RXFP1: variants seen among roughly 807,000 people sequenced by gnomAD.
RXFP1 encodes relaxin receptor 1.
In RXFP1, 73 loss-of-function variants were observed where a neutral mutation model predicts 89.8. That is an observed-to-expected ratio of 0.81 (90% CI 0.67 to 0.99). RXFP1 has a LOEUF of 0.99. Ranked by LOEUF, RXFP1 falls within the 50% of genes least tolerant of loss-of-function variation. The pLI, the probability that RXFP1 is intolerant of heterozygous loss-of-function variation, is 0.00. For missense variants in RXFP1, 793 were observed against 895.5 expected (o/e 0.89, Z 1.46); for synonymous variants, 277 against 305.5 (o/e 0.91, Z 0.97).
At chr4:158,526,429 T>C (rs924819600) in intron 1 of RXFP1, among the ~76,000 whole-genome samples, 6 of 152,212 alleles carry the variant, frequency 3.9e-5, no homozygotes. Flanking sequence ...ATTCTACAGC[T>C]TCATCTATTT....
At chr4:158,639,749 A>G (rs1769993265) in intron 14 of RXFP1, among the ~76,000 whole-genome samples, 1 of 152,116 alleles carries the variant, frequency 6.6e-6, no homozygotes, top group Admixed American at 6.5e-5. Flanking sequence ...GATTCCAGCT[A>G]CTCAGGAGGC....
In RXFP1 at chr4:158,542,102, TATATATA is replaced by T. The variant is rs1465187851; in HGVS notation, c.49+20078_49+20084del. On this transcript the variant is annotated intron_variant, in intron 1 of 17. Coordinates refer to ENST00000307765, the MANE Select transcript of RXFP1 (RefSeq NM_021634.4). ...GGCTATATATATATATATATATATA[TATATATA>T]TTTTTTTTTTAGTAGAGACAGGGTT... 6.1e-5 allele frequency among the ~76,000 whole-genome samples: 3 copies of T among 49,292 alleles called. 1 individual carries two copies. Among genetic ancestry groups the T allele is most frequent in the Non-Finnish European group, 1.3e-4 (3 of 23,254 alleles). The allele number at this position is 49,292 out of a possible 152,430, so 32.3% of individuals were successfully genotyped here.
intron 10 of RXFP1, among the ~76,000 whole-genome samples, chr4:158,628,005 A>T (rs1279895128): frequency 6.6e-6 from 1 of 152,186 alleles, no homozygotes; most frequent in Non-Finnish European, 1.5e-5. Flanking sequence ...TTTGGAGTGC[A>T]GTGAGGAAAT....
chr4:158,637,212 C>T (rs1580257904), intron 12 of RXFP1, among the ~76,000 whole-genome samples: 1 of 152,096 alleles, frequency 6.6e-6, no homozygotes, highest in African/African-American at 2.4e-5. Context: ...TATGGGAGTA[C>T]AGAAATCTCT....
chr4:158,543,620 G>A, intron 1 of RXFP1: 3 of 326,598 alleles, frequency 9.2e-6, no homozygotes, highest in Non-Finnish European at 1.3e-5. Flanking sequence ...CAGTTTCCCT[G>A]AGCCCTCCCA....
intron 1 of RXFP1, among the ~76,000 whole-genome samples, chr4:158,552,078 C>T (rs946878627): frequency 2.6e-5 from 4 of 152,128 alleles, no homozygotes; most frequent in Admixed American, 2.0e-4. Flanking sequence ...AATGTGTTAT[C>T]TAGATGTGAA....
At chr4:158,558,835 T>G (rs1357897048) in intron 1 of RXFP1, among the ~76,000 whole-genome samples, 1 of 152,218 alleles carries the variant, frequency 6.6e-6, no homozygotes, top group Non-Finnish European at 1.5e-5. Flanking sequence ...AAGTGATCAG[T>G]ATTTTTAAAA....
At chr4:158,616,109 G>A (rs571915564) in intron 8 of RXFP1, among the ~76,000 whole-genome samples, 2 of 152,284 alleles carry the variant, frequency 1.3e-5, no homozygotes, top group South Asian at 4.1e-4. Flanking sequence ...TCTGCAAAGT[G>A]CAATAAAGCA....
At chr4:158,546,873 G>A (rs1489985416) in intron 1 of RXFP1, among the ~76,000 whole-genome samples, 3 of 152,072 alleles carry the variant, frequency 2.0e-5, no homozygotes, top group Admixed American at 6.6e-5. Context: ...GAGGATTTTT[G>A]CATCAATGTT....
intron 1 of RXFP1, among the ~76,000 whole-genome samples, chr4:158,532,982 T>A (rs1054875833): frequency 6.6e-6 from 1 of 152,230 alleles, no homozygotes; most frequent in Admixed American, 6.5e-5. Flanking sequence ...TACAGAGTTT[T>A]AATACCAAAG....
intron 2 of RXFP1, among the ~76,000 whole-genome samples, chr4:158,590,108 TAAC>T (rs1451367661): frequency 6.6e-6 from 1 of 152,034 alleles, no homozygotes; most frequent in African/African-American, 2.4e-5. Flanking sequence ...TACTGTAACT[TAAC>T]AACCCATAGG....
intron 1 of RXFP1, among the ~76,000 whole-genome samples, chr4:158,551,581 A>G (rs1280011644): frequency 1.3e-5 from 2 of 152,224 alleles, no homozygotes; most frequent in Non-Finnish European, 2.9e-5. Context: ...CAATGTATAC[A>G]TATATCAAAA....
At chr4:158,624,360 T>C (rs1766280786) in intron 9 of RXFP1, among the ~76,000 whole-genome samples, 1 of 152,132 alleles carries the variant, frequency 6.6e-6, no homozygotes, top group Non-Finnish European at 1.5e-5. Flanking sequence ...AGGAAGCAGA[T>C]AGAGAGTAAG....
intron 5 of RXFP1, chr4:158,607,258 A>G (rs1293986079): frequency 1.5e-6 from 1 of 677,082 alleles, no homozygotes; most frequent in South Asian, 1.7e-5. Context: ...TTAGTTAACT[A>G]TGTAAGCCTG....
chr4:158,642,691 A>G (rs576133237), intron 14 of RXFP1, among the ~76,000 whole-genome samples: 4 of 152,234 alleles, frequency 2.6e-5, no homozygotes, highest in African/African-American at 9.6e-5. Flanking sequence ...CTGTTCATCA[A>G]CACCTAGGTT....
intron 11 of RXFP1, among the ~76,000 whole-genome samples, chr4:158,631,406 G>T (rs1767997591): frequency 6.6e-6 from 1 of 152,192 alleles, no homozygotes; most frequent in African/African-American, 2.4e-5. Context: ...GTCCAAAACT[G>T]AGCTAGGCAC....
chr4:158,577,844 G>A (rs1250278452), intron 2 of RXFP1, among the ~76,000 whole-genome samples: 1 of 151,994 alleles, frequency 6.6e-6, no homozygotes, highest in Non-Finnish European at 1.5e-5. Context: ...CTTTAAACAA[G>A]TACTCTTATT....
At chr4:158,582,573 A>G (rs915084496) in intron 2 of RXFP1, among the ~76,000 whole-genome samples, 1 of 152,180 alleles carries the variant, frequency 6.6e-6, no homozygotes, top group Non-Finnish European at 1.5e-5. Flanking sequence ...CACAGGAAAC[A>G]TTTAGTACAC....
intron 9 of RXFP1, among the ~76,000 whole-genome samples, chr4:158,621,904 CAA>C (rs984175387): frequency 1.3e-5 from 2 of 152,220 alleles, no homozygotes; most frequent in African/African-American, 4.8e-5. Context: ...ATCAAAAAGA[CAA>C]GAGATGACGA....
Sources: gnomAD v4.1 joint callset for allele counts (sites outside exome capture counted in the v4.1 genomes callset) on GRCh38, gnomAD v4.1.1 for gene constraint, MANE v1.5 for transcripts, NCBI Gene and HGNC (gene_info 2026-07-23, HGNC 2026-07-21) for gene names.